The following PTPRQ variants were observed in gnomAD, a reference collection of about 807,000 sequenced individuals.
The protein encoded by PTPRQ is phosphatidylinositol phosphatase PTPRQ.
A neutral mutation model predicts 246.0 loss-of-function variants in PTPRQ; 199 were observed. The ratio of observed to expected loss-of-function variants is 0.81; its 90% CI spans 0.72 to 0.91. PTPRQ has a LOEUF of 0.91. Ranked by LOEUF, PTPRQ falls within the 40% of genes least tolerant of loss-of-function variation. The pLI is 0.00. For missense variants in PTPRQ, 2,624 were observed against 2,528.4 expected (o/e 1.04, Z -0.81); for synonymous variants, 869 against 853.2 (o/e 1.02, Z -0.32).
intron 29 of PTPRQ, among the ~76,000 whole-genome samples, chr12:80,615,034 C>T (rs1898698490): frequency 6.6e-6 from 1 of 150,972 alleles, no homozygotes; most frequent in African/African-American, 2.4e-5. Flanking sequence ...GAATCAAAAT[C>T]TGCATATTTG....
At chr12:80,572,907 A>C (rs540852216) in intron 25 of PTPRQ, among the ~76,000 whole-genome samples, 38 of 152,024 alleles carry the variant, frequency 2.5e-4, no homozygotes, top group Non-Finnish European at 4.9e-4. Flanking sequence ...ATTTAGTAAC[A>C]TTTTGCTTAA....
chr12:80,603,137 C>G (rs1481866046), intron 26 of PTPRQ, among the ~76,000 whole-genome samples: 1 of 151,584 alleles, frequency 6.6e-6, no homozygotes. Context: ...CAATTTGCAC[C>G]CACATCAAAT....
chr12:80,466,179 T>C (rs1893403639), intron 6 of PTPRQ, among the ~76,000 whole-genome samples: 1 of 152,172 alleles, frequency 6.6e-6, no homozygotes, highest in African/African-American at 2.4e-5. Context: ...AAAATCAATG[T>C]ACAAAAATCA....
intron 35 of PTPRQ, among the ~76,000 whole-genome samples, chr12:80,635,297 G>A (rs1259302889): frequency 6.6e-6 from 1 of 152,144 alleles, no homozygotes; most frequent in Non-Finnish European, 1.5e-5. Flanking sequence ...GGACTATAAT[G>A]TTCAATCAGG....
At chr12:80,615,181 CG>C (rs1170875944) in intron 29 of PTPRQ, among the ~76,000 whole-genome samples, 1 of 150,902 alleles carries the variant, frequency 6.6e-6, no homozygotes, top group Admixed American at 6.6e-5. Context: ...CTATAACATA[CG>C]TTTTTTATTT....
At chr12:80,645,837 G>C (rs1245174803) in intron 35 of PTPRQ, among the ~76,000 whole-genome samples, 1 of 152,048 alleles carries the variant, frequency 6.6e-6, no homozygotes, top group African/African-American at 2.4e-5. Flanking sequence ...TATCTGGAGT[G>C]CAAACAGGAT....
At chr12:80,639,059 A>G (rs1006191520) in intron 35 of PTPRQ, among the ~76,000 whole-genome samples, 4 of 152,208 alleles carry the variant, frequency 2.6e-5, no homozygotes, top group African/African-American at 9.7e-5. Flanking sequence ...TAGAGCTCTT[A>G]TTGGCAAGAT....
intron 3 of PTPRQ, among the ~76,000 whole-genome samples, chr12:80,451,225 TCC>T (rs1892758443): frequency 6.6e-6 from 1 of 150,392 alleles, no homozygotes; most frequent in Admixed American, 6.6e-5. Flanking sequence ...AGTGGTAATA[TCC>T]CCTTTATCAT....
chr12:80,489,990 G>GTCTTGTGC (rs369818726), intron 9 of PTPRQ, among the ~76,000 whole-genome samples: 81,048 of 151,726 alleles, frequency 0.53, 24,097 homozygotes, highest in Non-Finnish European at 0.67. Flanking sequence ...AATGTAAGAA[G>GTCTTGTGC]AAAGTCTTGT....
chr12:80,483,582 A>G (rs1894157077), intron 8 of PTPRQ, among the ~76,000 whole-genome samples: 1 of 152,186 alleles, frequency 6.6e-6, no homozygotes, highest in East Asian at 1.9e-4. Context: ...AAAGACATTT[A>G]ATTTAACAAA....
At chr12:80,620,404 T>G (rs1469267187) in intron 32 of PTPRQ, 28 bp downstream of exon 32, 1 of 1,545,050 alleles carries the variant, frequency 6.5e-7, no homozygotes, top group Non-Finnish European at 8.7e-7. Context: ...CTACCATGCA[T>G]TCTGTTAGCA....
intron 35 of PTPRQ, among the ~76,000 whole-genome samples, chr12:80,639,950 T>C (rs1207900054): frequency 6.6e-6 from 1 of 152,068 alleles, no homozygotes; most frequent in African/African-American, 2.4e-5. Flanking sequence ...TTTATGTAAA[T>C]GTCTAAGGTC....
intron 25 of PTPRQ, among the ~76,000 whole-genome samples, chr12:80,573,640 GA>G: frequency 6.6e-6 from 1 of 152,212 alleles, no homozygotes; most frequent in East Asian, 1.9e-4. Flanking sequence ...CAAGAAACTT[GA>G]CCATTTTATT....
At chr12:80,460,538 A>C (rs768687946) in intron 5 of PTPRQ, 115 bp from the exon 6 acceptor site, 2 of 395,434 alleles carry the variant, frequency 5.1e-6, no homozygotes, top group Non-Finnish European at 8.9e-6. Context: ...TAACTTTTGC[A>C]TGTTATGTGT....
chr12:80,461,352 T>C (rs1363867779), intron 6 of PTPRQ, among the ~76,000 whole-genome samples: 2 of 152,208 alleles, frequency 1.3e-5, no homozygotes, highest in African/African-American at 4.8e-5. Flanking sequence ...TTATATCCCA[T>C]TTGCACTGCA....
At chr12:80,628,731 C>T (rs1053435985) in intron 33 of PTPRQ, among the ~76,000 whole-genome samples, 1 of 151,840 alleles carries the variant, frequency 6.6e-6, no homozygotes, top group African/African-American at 2.4e-5. Context: ...GGCTTACATT[C>T]TGGAGGAAAG....
intron 28 of PTPRQ, among the ~76,000 whole-genome samples, chr12:80,611,368 T>C (rs1898544463): frequency 6.6e-6 from 1 of 150,434 alleles, no homozygotes; most frequent in Non-Finnish European, 1.5e-5. Flanking sequence ...GTAAGGTAAG[T>C]ATAGGAAGTA....
intron 14 of PTPRQ, among the ~76,000 whole-genome samples, chr12:80,499,964 C>T (rs143294117): frequency 5.4e-4 from 82 of 152,088 alleles, no homozygotes; most frequent in African/African-American, 1.9e-3. Flanking sequence ...TAAGACACAA[C>T]CATCTTTACT....
rs370007276 is a variant in PTPRQ at position 80,589,503 on chromosome 12, T to TAC, written c.4609+1063_4609+1064dup. On this transcript the variant is annotated intron_variant, in intron 26 of 44. Transcript: ENST00000644991. ...ATACTTATTAGTATAGTAACATACC[T>TAC]ACACACACACACATAGATTTTCAGT... is the stretch of plus-strand genomic sequence containing the variant. Among the ~76,000 whole-genome samples, 15 of 152,182 alleles carry TAC rather than the reference T, an allele frequency of 9.9e-5. No homozygotes were observed. In the East Asian group the frequency reaches 1.7e-3, roughly 18 times the overall value.
Sources: allele counts gnomAD v4.1 joint callset (sites outside exome capture counted in the v4.1 genomes callset), GRCh38; gene constraint gnomAD v4.1.1; transcripts MANE v1.5; gene names NCBI Gene and HGNC (gene_info 2026-07-23, HGNC 2026-07-21).